Variants in ZNF568 observed in about 807,000 individuals in gnomAD.
ZNF568 encodes p53 inhibitor of SCO2 activation.
In ZNF568, 11 loss-of-function variants were observed where a neutral mutation model predicts 18.1. The ratio of observed to expected loss-of-function variants is 0.61; its 90% confidence interval spans 0.38 to 1.00. ZNF568 has a LOEUF of 1.00. Among genes scored for constraint, ZNF568 ranks in the 50% least tolerant of loss-of-function variants. The probability of loss-of-function intolerance (pLI) is 0.01; values close to 1 mark genes in which losing one functional copy is unlikely to be tolerated. For synonymous variants in ZNF568, 213 were observed against 246.6 expected (o/e 0.86, Z 1.28); for missense variants, 639 against 768.2 (o/e 0.83, Z 1.99).
At chr19:36,970,565 G>A (rs1052081900) in intron 6 of ZNF568, among the ~76,000 whole-genome samples, 1 of 151,778 alleles carries the variant, frequency 6.6e-6, no homozygotes, top group African/African-American at 2.4e-5. Context: ...CAAACTCCTA[G>A]CCTCAAAGTG....
intron 2 of ZNF568, chr19:36,991,161 T>G (rs1004297679): frequency 1.4e-5 from 21 of 1,525,608 alleles, no homozygotes; most frequent in Non-Finnish European, 1.7e-5. Flanking sequence ...ATGGTGTATT[T>G]ATTTTTGGTT....
chr19:36,995,413 A>G (rs1271945033), intron 4 of ZNF568, among the ~76,000 whole-genome samples: 1 of 151,994 alleles, frequency 6.6e-6, no homozygotes, highest in East Asian at 1.9e-4. Context: ...ACAAACAAAC[A>G]AGCAAAAAAC....
chr19:36,922,889 T>C, intron 3 of ZNF568, 43 bp downstream of exon 3: 1 of 1,583,614 alleles, frequency 6.3e-7, no homozygotes, highest in South Asian at 1.1e-5. Flanking sequence ...AGAGAAAGGC[T>C]CTACATTTGG....
chr19:36,996,733 T>C (rs1178292904), exon 5 of ZNF568: 1 of 1,537,936 alleles, frequency 6.5e-7, no homozygotes, highest in Non-Finnish European at 8.7e-7. Context: ...CAAATGTGCC[T>C]TTAATCATGA....
chr19:36,919,365 G>T (rs2073411497), intron 2 of ZNF568, among the ~76,000 whole-genome samples: 1 of 152,108 alleles, frequency 6.6e-6, no homozygotes, highest in South Asian at 2.1e-4. Context: ...CATGACAGTG[G>T]TCCTGTAAGA....
At chr19:36,945,562 A>G (rs1410287105) in intron 6 of ZNF568, among the ~76,000 whole-genome samples, 2 of 152,158 alleles carry the variant, frequency 1.3e-5, no homozygotes, top group East Asian at 1.9e-4. Context: ...TATGTTTTCA[A>G]TAAGGCTTCT....
intron 7 of ZNF568, among the ~76,000 whole-genome samples, chr19:36,975,804 T>C (rs1022315488): frequency 6.8e-6 from 1 of 148,096 alleles, no homozygotes; most frequent in Non-Finnish European, 1.5e-5. Context: ...CAAGCAATTC[T>C]TCTGCCTCAA....
intron 2 of ZNF568, among the ~76,000 whole-genome samples, chr19:36,920,721 G>C (rs1600760619): frequency 2.0e-5 from 3 of 152,168 alleles, no homozygotes; most frequent in Non-Finnish European, 4.4e-5. Context: ...ATTTAGTGTA[G>C]CCTAAGTGTA....
chr19:36,961,582 A>G (rs890527974), intron 6 of ZNF568, among the ~76,000 whole-genome samples: 1 of 151,964 alleles, frequency 6.6e-6, no homozygotes, highest in Non-Finnish European at 1.5e-5. Flanking sequence ...GCTGGAGTGC[A>G]ATGGCGGGTT....
Position 36,950,325 on chromosome 19 carries a change from A to G in ZNF568, c.1172A>G (p.Lys391Arg). 6.2e-7 allele frequency: 1 copy of G among 1,613,818 alleles called. No homozygotes were observed. The highest frequency in any genetic ancestry group is 8.5e-7 in the Non-Finnish European group (1 of 1,179,846). Residue 391 changes from lysine (K) to arginine (R), a missense_variant, in exon 7 of 7, where the codon AAA becomes AGA. Physicochemically the swap from Lys to Arg is conservative, Grantham distance 26. Coordinates refer to ENST00000333987, the MANE Select transcript of ZNF568 (RefSeq NM_198539.4). ...MRSHTGEKPYKCNKCGKAFSQ... is the reference protein window; with the variant it reads ...MRSHTGEKPYRCNKCGKAFSQ... Reference sequence around the variant, plus strand: ...AGTCACACAGGGGAGAAACCCTATAAATGTAATAAATGTGGAAAAGCTTTC... The same window carrying G: ...AGTCACACAGGGGAGAAACCCTATAGATGTAATAAATGTGGAAAAGCTTTC...
Position 36,916,568 on chromosome 19 carries a change from G to C in ZNF568, c.-279G>C, listed in dbSNP as rs1419474971. The C allele has an allele frequency of 6.6e-6, 1 of 152,572 alleles. No homozygotes were observed. 9.5% of individuals were successfully genotyped at this position (152,572 alleles called of 1,614,324 possible). A position where few individuals can be genotyped will look rare whatever the true frequency, so the allele number is the denominator to read the frequency against. ...CAGAGTGTCCCGAGTAGCGGCAGTG[G>C]GGAGTGCTCAGGGTACGCTAATGGT... On this transcript the variant is annotated 5_prime_UTR_variant, in exon 1 of 7. Coordinates refer to ENST00000333987, the MANE Select transcript of ZNF568 (RefSeq NM_198539.4). The surrounding 1 kb of genome is among the most constrained non-coding windows in gnomAD (Gnocchi z 5.3).
chr19:36,944,857 C>T (rs959300059), intron 6 of ZNF568, among the ~76,000 whole-genome samples: 1 of 152,022 alleles, frequency 6.6e-6, no homozygotes, highest in African/African-American at 2.4e-5. Context: ...TTTAAGATGT[C>T]TTTTGAGTTT....
chr19:36,943,182 G>C (rs920076040), intron 6 of ZNF568, among the ~76,000 whole-genome samples: 1 of 152,112 alleles, frequency 6.6e-6, no homozygotes, highest in Admixed American at 6.5e-5. Flanking sequence ...TCTTATGTCA[G>C]TTTGTCCCAC....
chr19:36,951,159 G>A lies in ZNF568; in HGVS notation c.*71G>A. 1 of 1,405,122 alleles carries A rather than the reference G, an allele frequency of 7.1e-7. No individual in the cohort carries two copies. The highest frequency in any genetic ancestry group is 9.4e-7 in the Non-Finnish European group (1 of 1,066,152). 87.0% of individuals were successfully genotyped at this position (1,405,122 alleles called of 1,614,324 possible). A position where few individuals can be genotyped will look rare whatever the true frequency, so the allele number is the denominator to read the frequency against. ...TCTTGGCATAAGCTCAAAAAAGCCA[G>A]GATCTTTATGGAAAAATTTTAATAC... is the stretch of plus-strand genomic sequence containing the variant. On this transcript the variant is annotated 3_prime_UTR_variant, in exon 7 of 7. Coordinates refer to ENST00000333987, the MANE Select transcript of ZNF568 (RefSeq NM_198539.4).
exon 5 of ZNF568, chr19:36,996,421 T>C (rs2074472280): frequency 6.5e-7 from 1 of 1,536,256 alleles, no homozygotes; most frequent in African/African-American, 1.4e-5. Context: ...AGAAATCAGA[T>C]GCCAGGTGGA....
chr19:36,948,042 A>G (rs1341569109), intron 6 of ZNF568, among the ~76,000 whole-genome samples: 1 of 152,162 alleles, frequency 6.6e-6, no homozygotes, highest in Non-Finnish European at 1.5e-5. Context: ...GGTGTTGTAC[A>G]TTCTATGGGT....
Position 36,939,406 on chromosome 19 carries a change from TAAGA to T in ZNF568, c.358+2167_358+2170del, listed in dbSNP as rs564988308. Among the ~76,000 whole-genome samples, 17 of 152,292 alleles carry T rather than the reference TAAGA, an allele frequency of 1.1e-4. No individual in the cohort carries two copies. In the South Asian group the frequency reaches 3.5e-3, roughly 32 times the overall value. ...TGTTCCCTGTACTTTTTGTTGGAGATAAGAAACAGGAACTGCTATCTCTGGGTTT... is the reference window on the plus strand; with the variant it reads ...TGTTCCCTGTACTTTTTGTTGGAGATAACAGGAACTGCTATCTCTGGGTTT... On this transcript the variant is annotated intron_variant, in intron 6 of 6. Coordinates refer to ENST00000333987, the MANE Select transcript of ZNF568 (RefSeq NM_198539.4).
rs750279777 is a variant in ZNF568, at chr19:36,936,796, G to A, written c.186G>A (p.Trp62Ter). Residue 62 changes from tryptophan to a stop codon, truncating the protein, a stop_gained, in exon 5 of 7, where the codon TGG (tryptophan) becomes TGA (stop). Transcript: ENST00000333987. LOFTEE classifies it high-confidence loss of function. ...DVAVDLTQEE[W>*]EQMKPAQRNL... ...CTGTTGACCTTACCCAGGAGGAGTG[G>A]GAGCAAATGAAACCTGCTCAAAGAA... The A allele has an allele frequency of 1.6e-5, 26 of 1,613,716 alleles. No individual in the cohort carries two copies. The highest frequency in any genetic ancestry group is 2.1e-5 in the Non-Finnish European group (25 of 1,179,796).
chr19:36,961,802 C>T (rs1600832817), intron 6 of ZNF568, among the ~76,000 whole-genome samples: 1 of 151,448 alleles, frequency 6.6e-6, no homozygotes, highest in Admixed American at 6.6e-5. Flanking sequence ...GGATTACAGG[C>T]GTGAGCCACT....
Sources: gnomAD v4.1 joint callset for allele counts (sites outside exome capture counted in the v4.1 genomes callset) on GRCh38, gnomAD v4.1.1 for gene constraint, Gnocchi (gnomAD v3.1) non-coding constraint, MANE v1.5 for transcripts, NCBI Gene and HGNC (gene_info 2026-07-23, HGNC 2026-07-21) for gene names.